Variants in CLCN5 observed in about 807,000 individuals in gnomAD.
CLCN5 encodes the protein Cl-/H+ antiporter 5.
In CLCN5, 17 loss-of-function variants were observed where a neutral mutation model predicts 54.0. That is an observed-to-expected ratio of 0.31 (90% confidence interval 0.22 to 0.47). The LOEUF is 0.47. Ranked by LOEUF, CLCN5 falls within the 20% of genes least tolerant of loss-of-function variation. The pLI is 1.00. For missense variants in CLCN5, 448 were observed against 646.7 expected, an observed-to-expected ratio of 0.69 and a Z score of 3.33; for synonymous variants, 222 against 233.0, an observed-to-expected ratio of 0.95 and a Z score of 0.43.
At chrX:50,079,189 C>A (rs1557192672) in intron 7 of CLCN5, among the ~76,000 whole-genome samples, 1 of 111,423 alleles carries the variant, frequency 9.0e-6, no homozygotes, top group Non-Finnish European at 1.9e-5. Flanking sequence ...CTCTTCATTT[C>A]CTACCTCTGC....
At chrX:50,060,635 C>T (rs1256675278) in intron 4 of CLCN5, among the ~76,000 whole-genome samples, 1 of 111,540 alleles carries the variant, frequency 9.0e-6, no homozygotes, top group Non-Finnish European at 1.9e-5. Flanking sequence ...CGGGGAAGCT[C>T]GAACTGGGTG....
At chrX:49,959,895 A>G (rs1296904321) in intron 3 of CLCN5, among the ~76,000 whole-genome samples, 1 of 110,878 alleles carries the variant, frequency 9.0e-6, no homozygotes, top group African/African-American at 3.3e-5. Flanking sequence ...TGCTTCAGCA[A>G]CCTCTTCATA....
At chrX:50,031,064 G>A (rs186848082) in intron 3 of CLCN5, among the ~76,000 whole-genome samples, 105 of 111,242 alleles carry the variant, frequency 9.4e-4, no homozygotes, top group African/African-American at 3.3e-3. Flanking sequence ...TGTATAACAG[G>A]GTATTTCTTA....
At chrX:50,006,145 C>T (rs1557181382) in intron 3 of CLCN5, among the ~76,000 whole-genome samples, 1 of 111,665 alleles carries the variant, frequency 9.0e-6, no homozygotes, top group Non-Finnish European at 1.9e-5. Flanking sequence ...TGGATGGAGG[C>T]CTACATCAGG....
chrX:49,996,157 A>G (rs976463338), intron 3 of CLCN5, among the ~76,000 whole-genome samples: 1 of 112,159 alleles, frequency 8.9e-6, no homozygotes, highest in Non-Finnish European at 1.9e-5. Flanking sequence ...TATCTCATCT[A>G]TCAGCTCAGC....
rs1557190705 is a variant in CLCN5, at chrX:50,065,821, A to G, written c.164-4058A>G. Among the ~76,000 whole-genome samples, 4 of 102,373 alleles carry G rather than the reference A, an allele frequency of 3.9e-5. No individual in the cohort carries two copies. The Admixed American group carries it at 4.3e-4, about 11-fold the overall frequency. 88.9% of individuals were successfully genotyped at this position (102,373 alleles called of 115,157 possible). A position where few individuals can be genotyped will look rare whatever the true frequency, so the allele number is the denominator to read the frequency against. On this transcript the variant is annotated intron_variant, in intron 4 of 14. Transcript: ENST00000376091. ...ATGTGGCACATATACACCATGGAAT[A>G]CTATGCAGCCATAAAAAATGATGAG...
chrX:50,003,635 T>C (rs1218571104), intron 3 of CLCN5: 1 of 312,965 alleles, frequency 3.2e-6, no homozygotes, highest in Non-Finnish European at 6.6e-6. Flanking sequence ...ACATACGCAC[T>C]CCTTCACCAA....
rs782764978 is a variant in CLCN5 at position 49,990,993 on chromosome X, A to G, written c.17-51323A>G. Among the ~76,000 whole-genome samples, 615 of 112,479 alleles carry G rather than the reference A, an allele frequency of 5.5e-3. 5 individuals are homozygous for G. Among genetic ancestry groups the G allele is most frequent in the African/African-American group, 0.019 (595 of 30,949 alleles). ...TTTGGGCTGGTTCCATATTTTTGCA[A>G]TTGCAAATTGTACTGCTATAACATG... On this transcript the variant is annotated intron_variant, in intron 3 of 14. Coordinates refer to ENST00000376091, the MANE Select transcript of CLCN5 (RefSeq NM_001127898.4).
At chrX:50,087,941 A>C (rs1557194225) in intron 11 of CLCN5, among the ~76,000 whole-genome samples, 1 of 112,287 alleles carries the variant, frequency 8.9e-6, no homozygotes, top group Admixed American at 9.4e-5. Context: ...ATAGTATCCT[A>C]GGAGTCAAGA....
intron 3 of CLCN5, among the ~76,000 whole-genome samples, chrX:50,007,735 TAGAG>T (rs782098726): frequency 9.0e-6 from 1 of 111,408 alleles, no homozygotes; most frequent in African/African-American, 3.3e-5. Context: ...TACATAAAAA[TAGAG>T]AGTAAGAGGT....
intron 3 of CLCN5, among the ~76,000 whole-genome samples, chrX:50,001,411 A>T (rs12013110): frequency 0.075 from 8,191 of 109,532 alleles, 787 homozygotes; most frequent in African/African-American, 0.26. Flanking sequence ...AAAAAAAAAA[A>T]TTTTTTTGAA....
At chrX:49,962,043 A>T (rs188548147) in intron 3 of CLCN5, among the ~76,000 whole-genome samples, 1 of 112,244 alleles carries the variant, frequency 8.9e-6, no homozygotes, top group African/African-American at 3.2e-5. Context: ...AAAAGCTTCC[A>T]TGTGCCCTTT....
At chrX:49,945,578 T>C (rs1380778271) in intron 3 of CLCN5, 1 of 105,629 alleles carries the variant, frequency 9.5e-6, no homozygotes, top group Non-Finnish European at 1.9e-5. Context: ...GCTGCATTTA[T>C]GGGCTCGCGC....
chrX:49,978,799 G>A (rs924825411), intron 3 of CLCN5, among the ~76,000 whole-genome samples: 17 of 111,901 alleles, frequency 1.5e-4, no homozygotes, highest in African/African-American at 5.2e-4. Flanking sequence ...TTGAGAGAGG[G>A]TAGGTTTGGC....
intron 3 of CLCN5, among the ~76,000 whole-genome samples, chrX:49,957,896 T>A (rs1178404114): frequency 2.7e-5 from 3 of 110,890 alleles, no homozygotes; most frequent in Non-Finnish European, 5.7e-5. Flanking sequence ...TAGTACAATA[T>A]TGAAACCAAG....
At chrX:49,934,623 C>T (rs1364501112) in intron 3 of CLCN5, among the ~76,000 whole-genome samples, 1 of 111,480 alleles carries the variant, frequency 9.0e-6, no homozygotes, top group African/African-American at 3.3e-5. Flanking sequence ...AGGATTTCTG[C>T]CCTGACTACA....
In CLCN5 at chrX:50,086,314, CTTCT is replaced by C; in HGVS notation, c.1015-8_1015-5del. On this transcript the variant is annotated splice_polypyrimidine_tract_variant and intron_variant, in intron 10 of 14. Transcript: ENST00000376091. ...GTATTGACTGAGTTTGCTTTCTCAC[CTTCT>C]TTCTTCTAGGTCAGCTACTATTTTC... 2 of 1,203,983 alleles carry C rather than the reference CTTCT, an allele frequency of 1.7e-6. No homozygotes were observed. The highest frequency in any genetic ancestry group is 2.2e-6 in the Non-Finnish European group (2 of 890,329).
chrX:50,029,610 A>G (rs1245657163), intron 3 of CLCN5, among the ~76,000 whole-genome samples: 1 of 111,765 alleles, frequency 8.9e-6, no homozygotes, highest in Non-Finnish European at 1.9e-5. Flanking sequence ...AGACATTTAT[A>G]TGCAGCCAAA....
At chrX:50,005,905 A>G (rs1188064455) in intron 3 of CLCN5, among the ~76,000 whole-genome samples, 1 of 112,618 alleles carries the variant, frequency 8.9e-6, no homozygotes, top group Non-Finnish European at 1.9e-5. Context: ...TGGTCATTGT[A>G]TTTAGGCTTC....
Sources: gnomAD v4.1 joint callset for allele counts (sites outside exome capture counted in the v4.1 genomes callset) on GRCh38, gnomAD v4.1.1 for gene constraint, MANE v1.5 for transcripts, NCBI Gene and HGNC (gene_info 2026-07-23, HGNC 2026-07-21) for gene names.